The following ENTREP2 variants were observed in gnomAD, a reference collection of about 807,000 sequenced individuals.
The protein encoded by ENTREP2 is endosomal transmembrane epsin interactor 2, also known as protein ENTREP2.
At chr15:29,526,473 T>C in the ENTREP2 span, among the ~76,000 whole-genome samples, 5 of 151,824 alleles carry the variant, frequency 3.3e-5, no homozygotes, top group Middle Eastern at 3.4e-3. Context: ...GAGTATTTTC[T>C]TTTTTTCAGA....
At chr15:29,260,201 G>A in the ENTREP2 span, among the ~76,000 whole-genome samples, 1 of 152,138 alleles carries the variant, frequency 6.6e-6, no homozygotes, top group African/African-American at 2.4e-5. Context: ...AAAAACTGAA[G>A]GAGAGGGAGC....
At chr15:29,174,557 C>G in the ENTREP2 span, among the ~76,000 whole-genome samples, 2 of 152,096 alleles carry the variant, frequency 1.3e-5, no homozygotes, top group Non-Finnish European at 2.9e-5. Context: ...GGCATGGTGG[C>G]GGGCGCCTGT....
At chr15:29,657,479 GGGGC>G in the ENTREP2 span, among the ~76,000 whole-genome samples, 2 of 111,446 alleles carry the variant, frequency 1.8e-5, no homozygotes, top group African/African-American at 7.4e-5. Flanking sequence ...GTCGGCTGGG[GGGGC>G]GGGGGGGGGG....
the ENTREP2 span, among the ~76,000 whole-genome samples, chr15:29,469,449 C>T: frequency 6.6e-6 from 1 of 152,212 alleles, no homozygotes; most frequent in Admixed American, 6.5e-5. Context: ...ATCCACCTGC[C>T]TTGGCCTCCC....
At chr15:29,518,776 G>C in the ENTREP2 span, among the ~76,000 whole-genome samples, 1 of 152,154 alleles carries the variant, frequency 6.6e-6, no homozygotes, top group Admixed American at 6.5e-5. Flanking sequence ...AGTGACACAG[G>C]GGAAAGCTTC....
At chr15:29,137,293 T>C in the ENTREP2 span, 5 of 1,119,986 alleles carry the variant, frequency 4.5e-6, no homozygotes, top group Non-Finnish European at 6.1e-6. Context: ...CAGTTTGGAA[T>C]GCCTGTAATT....
the ENTREP2 span, among the ~76,000 whole-genome samples, chr15:29,418,113 T>G: frequency 6.6e-6 from 1 of 152,220 alleles, no homozygotes; most frequent in African/African-American, 2.4e-5. Flanking sequence ...GTCTAAGTTA[T>G]GCACATCAGA....
At chr15:29,471,923 A>G in the ENTREP2 span, among the ~76,000 whole-genome samples, 1 of 152,090 alleles carries the variant, frequency 6.6e-6, no homozygotes, top group Non-Finnish European at 1.5e-5. Context: ...CACATGCACA[A>G]CTCTCTGATT....
the ENTREP2 span, chr15:29,123,519 T>C: frequency 1.3e-6 from 2 of 1,551,738 alleles, no homozygotes; most frequent in East Asian, 2.4e-5. Flanking sequence ...TGCTGTCCAC[T>C]AAAGAGCGTG....
chr15:29,486,326 T>C, the ENTREP2 span, among the ~76,000 whole-genome samples: 1 of 152,068 alleles, frequency 6.6e-6, no homozygotes, highest in Non-Finnish European at 1.5e-5. Flanking sequence ...GCGGTGTACG[T>C]ATGATATACT....
chr15:29,291,801 TG>T, the ENTREP2 span, among the ~76,000 whole-genome samples: 1 of 152,232 alleles, frequency 6.6e-6, no homozygotes, highest in African/African-American at 2.4e-5. Context: ...CTATTTATTT[TG>T]AATATTCATT....
the ENTREP2 span, among the ~76,000 whole-genome samples, chr15:29,333,564 T>C: frequency 6.6e-6 from 1 of 152,188 alleles, no homozygotes; most frequent in Non-Finnish European, 1.5e-5. Flanking sequence ...ACACAGACCC[T>C]ATCCCTCCAG....
At chr15:29,566,882 C>T in the ENTREP2 span, among the ~76,000 whole-genome samples, 1 of 150,172 alleles carries the variant, frequency 6.7e-6, no homozygotes, top group African/African-American at 2.5e-5. Context: ...CACACAGAGT[C>T]AGCTTCCAAT....
the ENTREP2 span, among the ~76,000 whole-genome samples, chr15:29,542,005 G>A: frequency 6.6e-6 from 1 of 152,108 alleles, no homozygotes; most frequent in East Asian, 1.9e-4. Context: ...AATTGGTAGG[G>A]TTTATTGGTT....
the ENTREP2 span, among the ~76,000 whole-genome samples, chr15:29,336,141 C>A: frequency 6.5e-3 from 506 of 77,360 alleles, no homozygotes; most frequent in Middle Eastern, 0.031. Context: ...GACTCCGTCT[C>A]AAAAAAAAAA....
the ENTREP2 span, among the ~76,000 whole-genome samples, chr15:29,492,229 C>A: frequency 2.0e-5 from 3 of 152,098 alleles, no homozygotes; most frequent in African/African-American, 7.2e-5. Flanking sequence ...ATAAAACTGG[C>A]GCAGTAATAC....
At chr15:29,244,818 G>A in the ENTREP2 span, among the ~76,000 whole-genome samples, 1 of 152,190 alleles carries the variant, frequency 6.6e-6, no homozygotes, top group Non-Finnish European at 1.5e-5. Flanking sequence ...TGTGTCCTAT[G>A]AAGCTCAGCA....
At chr15:29,621,929 G>A in the ENTREP2 span, among the ~76,000 whole-genome samples, 3 of 152,284 alleles carry the variant, frequency 2.0e-5, no homozygotes, top group African/African-American at 7.2e-5. Context: ...TAGTATTGAG[G>A]ACAACATTTC....
At chr15:29,252,388 A>G in the ENTREP2 span, 1 of 1,550,562 alleles carries the variant, frequency 6.4e-7, no homozygotes, top group Non-Finnish European at 8.7e-7. Flanking sequence ...CCTTCTAGGG[A>G]GTTGACTAGC....
Sources: gnomAD v4.1 joint callset for allele counts (sites outside exome capture counted in the v4.1 genomes callset) on GRCh38, gnomAD v4.1.1 for gene constraint, MANE v1.5 for transcripts, NCBI Gene and HGNC (gene_info 2026-07-23, HGNC 2026-07-21) for gene names.